Variants in SYVN1 observed in about 807,000 individuals in gnomAD.
SYVN1 encodes the protein E3 ubiquitin-protein ligase synoviolin.
SYVN1 carries 17 observed loss-of-function variants against 62.6 expected under a neutral mutation model. The observed-to-expected ratio is 0.27, with a 90% CI of 0.19 to 0.41. The LOEUF is 0.41. Among genes scored for constraint, SYVN1 ranks in the 10% least tolerant of loss-of-function variants. The pLI, the probability that SYVN1 is intolerant of heterozygous loss-of-function variation, is 1.00. For missense variants in SYVN1, 634 were observed against 818.0 expected (o/e 0.78, Z 2.74); for synonymous variants, 316 against 304.0 (o/e 1.04, Z -0.41).
chr11:65,132,676 A>G (rs932739138), intron 5 of SYVN1, 56 bp downstream of exon 5: 12 of 1,579,114 alleles, frequency 7.6e-6, no homozygotes, highest in African/African-American at 1.3e-5. Flanking sequence ...GCTCTGGAGT[A>G]CAGGTCCACG....
chr11:65,129,047 C>T (rs1478688848), intron 14 of SYVN1: 1 of 264,840 alleles, frequency 3.8e-6, no homozygotes, highest in Non-Finnish European at 7.2e-6. Context: ...ACTCAAGTTC[C>T]TCTCCAAGCC....
In SYVN1 at chr11:65,130,650, G is replaced by A. The variant is rs768253025; in HGVS notation, c.1105+10C>T. 2 of 1,385,500 alleles carry A rather than the reference G, an allele frequency of 1.4e-6. No homozygotes were observed. The highest frequency in any genetic ancestry group is 1.5e-5 in the African/African-American group (1 of 65,834). The allele number at this position is 1,385,500 out of a possible 1,614,324, so 85.8% of individuals were successfully genotyped here. A position where few individuals can be genotyped will look rare whatever the true frequency, so the allele number is the denominator to read the frequency against. The stretch of plus-strand genomic sequence containing the variant: ...TGGTATGCCGGGTGGCCAGACAAGG[G>A]GATACTCACAGTTGGGGGGCTGAGG... On this transcript the variant is annotated intron_variant, in intron 11 of 15. Coordinates refer to ENST00000377190, the MANE Select transcript of SYVN1 (RefSeq NM_172230.3).
At chr11:65,132,864 C>A in intron 4 of SYVN1, 58 bp downstream of exon 4, 1 of 1,613,476 alleles carries the variant, frequency 6.2e-7, no homozygotes. Context: ...CTCCTTAAGC[C>A]TGCCCGCTGG....
Position 65,130,326 on chromosome 11 carries a change from G to A in SYVN1, c.1159C>T (p.Pro387Ser), listed in dbSNP as rs539465996. Residue 387 changes from proline (P) to serine (S), a missense_variant, in exon 12 of 16, where the codon CCC (proline) becomes TCC (serine). This residue lies in a region of SYVN1 where 351 missense variants were observed against 373.3 expected (regional missense o/e 0.94). Transcript: ENST00000377190. ...GGGACAGGTGGAAAGGGGCCCATGG[G>A]GGGCCACAGTGGGAACATGCCTGGA... Reference protein sequence around the residue: ...FPPGMFPLWPPMGPFPPVPPP... With the variant: ...FPPGMFPLWPSMGPFPPVPPP... 3.6e-5 allele frequency: 57 copies of A among 1,578,904 alleles called. No homozygotes were observed. The highest frequency in any genetic ancestry group is 4.6e-5 in the Non-Finnish European group (54 of 1,163,970).
In SYVN1 at chr11:65,133,587, T is replaced by G. The variant is rs1248911092; in HGVS notation, c.15A>C (p.Ala5=). The G allele has an allele frequency of 1.2e-6, 2 of 1,610,884 alleles. No homozygotes were observed. Among genetic ancestry groups the G allele is most frequent in the South Asian group, 2.2e-5 (2 of 91,082 alleles). ...GCGCCAGGCTGGCCGCCATCATCAC[T>G]GCCGTGCGGAACATTGCCCTGGCCC... MFRT[A]VMMAASLALT... Residue 5 remains alanine, a synonymous_variant, in exon 2 of 16, where the codon GCA becomes GCC. Coordinates refer to ENST00000377190, the MANE Select transcript of SYVN1 (RefSeq NM_172230.3).
chr11:65,128,826 G>A, intron 14 of SYVN1, 112 bp from the exon 15 acceptor site: 1 of 1,179,006 alleles, frequency 8.5e-7, no homozygotes, highest in Non-Finnish European at 1.2e-6. Context: ...GTGCCCTTGT[G>A]GCCCCAGTGC....
chr11:65,131,124 C>T lies in SYVN1; in HGVS notation c.824+8G>A, dbSNP rs1325736484. The T allele has an allele frequency of 1.4e-5, 23 of 1,614,074 alleles. No individual in the cohort carries two copies. In the Admixed American group the frequency reaches 3.7e-4, roughly 26 times the overall value. Reference sequence around the variant, plus strand: ...GCTTGGGACAGCAGCCATGACAAGCCTACTTACAGGGTGTTCATGTTGCGG... The same window carrying T: ...GCTTGGGACAGCAGCCATGACAAGCTTACTTACAGGGTGTTCATGTTGCGG... On this transcript the variant is annotated splice_region_variant and intron_variant, in intron 9 of 15. Coordinates refer to ENST00000377190, the MANE Select transcript of SYVN1 (RefSeq NM_172230.3).
chr11:65,132,108 A>G, intron 6 of SYVN1, 140 bp downstream of exon 6: 1 of 724,054 alleles, frequency 1.4e-6, no homozygotes. Flanking sequence ...GGAGGGCAGG[A>G]GCCATATCTG....
Position 65,127,608 on chromosome 11 carries a change from AGTG to A in SYVN1, c.*771_*773del, listed in dbSNP as rs769780777. On this transcript the variant is annotated 3_prime_UTR_variant, in exon 16 of 16. Coordinates refer to ENST00000377190, the MANE Select transcript of SYVN1 (RefSeq NM_172230.3). ...ACTTCAGAAGTTCTGCCAGTTGAGAAGTGGCCTTCCTTGGGCGCTGGGATTGCA... is the reference window on the plus strand; with the variant it reads ...ACTTCAGAAGTTCTGCCAGTTGAGAAGCCTTCCTTGGGCGCTGGGATTGCA... The A allele has an allele frequency of 6.5e-6, 1 of 153,062 alleles. No homozygotes were observed. The highest frequency in any genetic ancestry group is 1.5e-5 in the Non-Finnish European group (1 of 68,580). The allele number at this position is 153,062 out of a possible 1,614,324, so 9.5% of individuals were successfully genotyped here.
rs906056870 is a variant in SYVN1, at chr11:65,127,688, G to C, written c.*694C>G. ...TTGCCTGGAGTGCGGCTGGGCAGTG[G>C]CTGCTGGGTGAGACAGGTCAGTCTC... is the stretch of plus-strand genomic sequence containing the variant. On this transcript the variant is annotated 3_prime_UTR_variant, in exon 16 of 16. Transcript: ENST00000377190. 6.6e-6 allele frequency: 1 copy of C among 152,474 alleles called. No individual in the cohort carries two copies. Among genetic ancestry groups the C allele is most frequent in the African/African-American group, 2.4e-5 (1 of 41,378 alleles). The allele number at this position is 152,474 out of a possible 1,614,324, so 9.4% of individuals were successfully genotyped here.
In SYVN1 at chr11:65,128,645, G is replaced by A. The variant is rs540783819; in HGVS notation, c.1665C>T (p.Ser555=). ...CCTCTGAGCTAGGGATGCTGGTGGA[G>A]GAGGCAGCAGCAACAACTGTAGTGG... is the stretch of plus-strand genomic sequence containing the variant. ...ETATTVVAAA[S]STSIPSSEAT... Residue 555 remains serine, a synonymous_variant, in exon 15 of 16, where the codon TCC becomes TCT. Coordinates refer to ENST00000377190, the MANE Select transcript of SYVN1 (RefSeq NM_172230.3). 6.2e-6 allele frequency: 10 copies of A among 1,614,074 alleles called. No homozygotes were observed. In the Middle Eastern group the frequency reaches 4.9e-4, roughly 80 times the overall value.
intron 6 of SYVN1, among the ~76,000 whole-genome samples, chr11:65,131,941 C>CA (rs977195261): frequency 6.6e-6 from 1 of 152,154 alleles, no homozygotes; most frequent in Admixed American, 6.5e-5. Context: ...CTGCCAGGGA[C>CA]ACGCCTCCAG....
In SYVN1 at chr11:65,130,693, G is replaced by C. The variant is rs1948166237; in HGVS notation, c.1072C>G (p.His358Asp). The C allele has an allele frequency of 6.7e-7, 1 of 1,483,758 alleles. No homozygotes were observed. Among genetic ancestry groups the C allele is most frequent in the Non-Finnish European group, 9.0e-7 (1 of 1,113,120 alleles). 91.9% of individuals were successfully genotyped at this position (1,483,758 alleles called of 1,614,324 possible). A position where few individuals can be genotyped will look rare whatever the true frequency, so the allele number is the denominator to read the frequency against. The stretch of plus-strand genomic sequence containing the variant: ...GGCTGAGGCAAGAGTGGTGGGGGGT[G>C]GGGGGCAGGGGGTGGCCCCTGATCC... Reference protein sequence around the residue: ...PADQGPPPAPHPPPLLPQPPN... With the variant: ...PADQGPPPAPDPPPLLPQPPN... Residue 358 changes from histidine (H) to aspartate (D), a missense_variant, in exon 11 of 16, where the codon CAC becomes GAC. By Grantham distance (81) the His-to-Asp change is moderately conservative. This residue lies in a region of SYVN1 where 351 missense variants were observed against 373.3 expected (regional missense o/e 0.94). Coordinates refer to ENST00000377190, the MANE Select transcript of SYVN1 (RefSeq NM_172230.3).
rs202073863 is a variant in SYVN1, at chr11:65,133,416, C to A, written c.132+54G>T. The A allele has an allele frequency of 3.4e-4, 539 of 1,602,300 alleles. 1 individual carries two copies. The highest frequency in any genetic ancestry group is 3.9e-4 in the Admixed American group (23 of 59,556). ...CCTCTAGCCCCGCCCCTTGCCCAGG[C>A]AGACTCCTCCTTCCCTCCCAGGGAG... On this transcript the variant is annotated intron_variant, in intron 2 of 15. Coordinates refer to ENST00000377190, the MANE Select transcript of SYVN1 (RefSeq NM_172230.3).
chr11:65,134,231 G>C (rs1186956427), intron 1 of SYVN1: 1 of 148,796 alleles, frequency 6.7e-6, no homozygotes, highest in African/African-American at 2.7e-5. Context: ...GGGAGGAGCC[G>C]GGTCGCCCTC....
At chr11:65,132,690 C>G in intron 5 of SYVN1, 42 bp downstream of exon 5, 1 of 1,608,786 alleles carries the variant, frequency 6.2e-7, no homozygotes, top group Non-Finnish European at 8.5e-7. Flanking sequence ...GTCCACGGTT[C>G]ACGTTCCAGT....
chr11:65,130,473 C>T, intron 11 of SYVN1, 94 bp from the exon 12 acceptor site: 2 of 1,432,898 alleles, frequency 1.4e-6, no homozygotes, highest in South Asian at 1.5e-5. Flanking sequence ...CTGTCCTATT[C>T]CCACAGGCCC....
chr11:65,131,616 A>C lies in SYVN1; in HGVS notation c.532-20T>G. The C allele has an allele frequency of 6.2e-7, 1 of 1,611,494 alleles. No homozygotes were observed. Among genetic ancestry groups the C allele is most frequent in the Non-Finnish European group, 8.5e-7 (1 of 1,179,752 alleles). On this transcript the variant is annotated intron_variant, in intron 6 of 15. Transcript: ENST00000377190. ...GGCATACTGAAGGGAGAGGGGGACG[A>C]GGGGGATGTAAACACATAGCTCCCC...
intron 5 of SYVN1, 47 bp downstream of exon 5, chr11:65,132,685 C>T (rs373687402): frequency 3.6e-5 from 58 of 1,598,084 alleles, no homozygotes; most frequent in Middle Eastern, 1.7e-4. Flanking sequence ...TACAGGTCCA[C>T]GGTTCACGTT....
Sources: allele counts gnomAD v4.1 joint callset (sites outside exome capture counted in the v4.1 genomes callset), GRCh38; gene constraint gnomAD v4.1.1; regional missense constraint gnomAD v4.1.1; transcripts MANE v1.5; gene names NCBI Gene and HGNC (gene_info 2026-07-23, HGNC 2026-07-21).